CIMIP4: variants seen among roughly 807,000 people sequenced by gnomAD.
The protein encoded by CIMIP4 is protein EAN57.
the CIMIP4 span, among the ~76,000 whole-genome samples, chr22:37,003,646 C>T: frequency 6.6e-6 from 1 of 152,166 alleles, no homozygotes; most frequent in African/African-American, 2.4e-5. Context: ...GAGGCCAGGC[C>T]CCTCACCATG....
At chr22:36,996,652 A>G in the CIMIP4 span, among the ~76,000 whole-genome samples, 9 of 152,192 alleles carry the variant, frequency 5.9e-5, no homozygotes, top group Non-Finnish European at 1.3e-4. Context: ...CAAAATCCCA[A>G]CAGGGTTTTT....
At chr22:37,006,749 C>T in the CIMIP4 span, among the ~76,000 whole-genome samples, 1 of 152,122 alleles carries the variant, frequency 6.6e-6, no homozygotes, top group Non-Finnish European at 1.5e-5. Flanking sequence ...GACATGGCTC[C>T]CAATGATCCC....
the CIMIP4 span, among the ~76,000 whole-genome samples, chr22:37,006,508 T>G: frequency 6.6e-6 from 1 of 152,206 alleles, no homozygotes; most frequent in Admixed American, 6.5e-5. Context: ...ATTACTTAGT[T>G]TCACAGATCT....
chr22:36,998,464 C>A, the CIMIP4 span, among the ~76,000 whole-genome samples: 1 of 152,088 alleles, frequency 6.6e-6, no homozygotes, highest in African/African-American at 2.4e-5. Context: ...CAGAAACAGC[C>A]TCATTTTGCA....
chr22:36,998,862 G>A, the CIMIP4 span, among the ~76,000 whole-genome samples: 1 of 152,110 alleles, frequency 6.6e-6, no homozygotes, highest in African/African-American at 2.4e-5. Flanking sequence ...GACAGCTACT[G>A]AGTGCTCACG....
the CIMIP4 span, among the ~76,000 whole-genome samples, chr22:37,006,521 G>A: frequency 6.6e-6 from 1 of 152,226 alleles, no homozygotes; most frequent in African/African-American, 2.4e-5. Flanking sequence ...ACAGATCTAT[G>A]ATGGGGAAGA....
the CIMIP4 span, among the ~76,000 whole-genome samples, chr22:37,002,489 G>A: frequency 6.6e-6 from 1 of 152,140 alleles, no homozygotes; most frequent in African/African-American, 2.4e-5. Context: ...AGAGGCATGG[G>A]TGGGAAATTA....
chr22:36,997,373 A>G, the CIMIP4 span, among the ~76,000 whole-genome samples: 231 of 152,334 alleles, frequency 1.5e-3, 2 homozygotes, highest in African/African-American at 5.4e-3. Context: ...TCATCCTTCC[A>G]GTTGTTCAGG....
At chr22:36,997,288 C>T in the CIMIP4 span, among the ~76,000 whole-genome samples, 1 of 152,230 alleles carries the variant, frequency 6.6e-6, no homozygotes, top group South Asian at 2.1e-4. Context: ...AAAAGATGAT[C>T]TACGATTTAG....
chr22:37,002,354 AG>A, the CIMIP4 span: 4 of 553,448 alleles, frequency 7.2e-6, no homozygotes, highest in Non-Finnish European at 9.4e-6. Flanking sequence ...CACGCAGACA[AG>A]GGCAGAAAGT....
chr22:36,994,816 G>A, the CIMIP4 span, among the ~76,000 whole-genome samples: 1 of 152,004 alleles, frequency 6.6e-6, no homozygotes, highest in Non-Finnish European at 1.5e-5. Flanking sequence ...ATTTTTAGTA[G>A]AGACGGGGTT....
the CIMIP4 span, among the ~76,000 whole-genome samples, chr22:36,998,240 A>T: frequency 6.6e-6 from 1 of 152,208 alleles, no homozygotes; most frequent in African/African-American, 2.4e-5. Flanking sequence ...GGAAGGCAGG[A>T]TCTGGAAGGC....
chr22:36,998,385 G>A, the CIMIP4 span, among the ~76,000 whole-genome samples: 1 of 152,154 alleles, frequency 6.6e-6, no homozygotes, highest in Admixed American at 6.5e-5. Flanking sequence ...CGAGCCAGGT[G>A]GAAGAGGTTT....
At chr22:36,998,137 T>A in the CIMIP4 span, among the ~76,000 whole-genome samples, 1 of 152,260 alleles carries the variant, frequency 6.6e-6, no homozygotes, top group Non-Finnish European at 1.5e-5. Flanking sequence ...TGGACATTTT[T>A]AAAAATAGAT....
At chr22:36,997,378 T>C in the CIMIP4 span, among the ~76,000 whole-genome samples, 1 of 152,230 alleles carries the variant, frequency 6.6e-6, no homozygotes, top group Non-Finnish European at 1.5e-5. Context: ...CTTCCAGTTG[T>C]TCAGGTCAAA....
chr22:37,004,111 G>T, the CIMIP4 span: 1 of 1,269,982 alleles, frequency 7.9e-7, no homozygotes. Flanking sequence ...GAACAGGAAG[G>T]CCTGTGGCTG....
the CIMIP4 span, among the ~76,000 whole-genome samples, chr22:36,991,821 A>G: frequency 6.6e-6 from 1 of 150,612 alleles, no homozygotes; most frequent in East Asian, 1.9e-4. Context: ...GTCTTCAACT[A>G]TACCAAGAAA....
chr22:37,001,745 T>C, the CIMIP4 span: 1 of 1,273,894 alleles, frequency 7.8e-7, no homozygotes, highest in South Asian at 1.6e-5. Flanking sequence ...TTTCTAGTGG[T>C]ATTATTATAG....
the CIMIP4 span, among the ~76,000 whole-genome samples, chr22:37,005,172 A>G: frequency 3.3e-5 from 5 of 152,114 alleles, no homozygotes; most frequent in Admixed American, 3.3e-4. Context: ...TGAAGAACTG[A>G]ATGAATCCTG....
Sources: allele counts gnomAD v4.1 joint callset (sites outside exome capture counted in the v4.1 genomes callset), GRCh38; gene constraint gnomAD v4.1.1; transcripts MANE v1.5; gene names NCBI Gene and HGNC (gene_info 2026-07-23, HGNC 2026-07-21).